The following H2BC12 variants were observed in gnomAD, a reference collection of about 807,000 sequenced individuals.
H2BC12 encodes H2B clustered histone 12.
In H2BC12, 6 loss-of-function variants were observed where a neutral mutation model predicts 6.3. The observed-to-expected ratio is 0.95, with a 90% CI of 0.52 to 1.87. The LOEUF (loss-of-function observed/expected upper bound fraction) is 1.87, where lower values mean the gene tolerates loss of function less well. H2BC12 is among the 40% of genes most tolerant of loss of function. The pLI is 0.01. For synonymous variants in H2BC12, 132 were observed against 78.5 expected, an observed-to-expected ratio of 1.68 and a Z score of -3.60; for missense variants, 119 against 178.4, an observed-to-expected ratio of 0.67 and a Z score of 1.90.
the H2BC12 span, chr6:27,139,141 AAG>A: frequency 7.7e-6 from 5 of 648,448 alleles, no homozygotes; most frequent in Admixed American, 3.2e-5. Context: ...GAAGGAGAAC[AAG>A]AGGGAGTAGA....
rs765892199 is a variant in H2BC12, at chr6:27,146,566, G to A, written c.233C>T (p.Ala78Val). Residue 78 changes from alanine (A) to valine (V), a missense_variant, in exon 1 of 1, where the codon GCT becomes GTT. Physicochemically the swap from Ala to Val is moderately conservative, Grantham distance 64 (BLOSUM62 0). This residue lies in a region of H2BC12 where 69 missense variants were observed against 141.0 expected (regional missense o/e 0.49). Transcript: ENST00000356950. ...CTTGTTGTAATGCGCCAGGCGGGAA[G>A]CCTCACCCGCGATGCGTTCGAAGAT... ...NDIFERIAGE[A>V]SRLAHYNKRS... The A allele has an allele frequency of 6.2e-7, 1 of 1,614,120 alleles. No individual in the cohort carries two copies. The highest frequency in any genetic ancestry group is 1.3e-5 in the African/African-American group (1 of 74,938).
downstream of H2BC12, among the ~76,000 whole-genome samples, chr6:27,145,881 CA>C (rs1284857003): frequency 1.3e-5 from 2 of 152,096 alleles, no homozygotes; most frequent in Non-Finnish European, 2.9e-5. Context: ...GAGATGGAAT[CA>C]GGGGGTGAGG....
At chr6:27,142,636 C>CTTTTTTTTT (rs759784250), downstream of H2BC12, among the ~76,000 whole-genome samples, 1 of 100,292 alleles carries the variant, frequency 1.0e-5, no homozygotes, top group African/African-American at 4.5e-5. Context: ...TCCCCCCCTC[C>CTTTTTTTTT]TTTTTTTTTT....
chr6:27,144,184 G>A (rs1366025812), downstream of H2BC12, among the ~76,000 whole-genome samples: 4 of 152,022 alleles, frequency 2.6e-5, no homozygotes, highest in Non-Finnish European at 5.9e-5. Flanking sequence ...GCTATCAGCC[G>A]GGCGTGGTGG....
chr6:27,139,130 T>A, the H2BC12 span: 1 of 586,700 alleles, frequency 1.7e-6, no homozygotes, highest in South Asian at 2.8e-5. Flanking sequence ...TAAAAAGGAC[T>A]GAAGGAGAAC....
In H2BC12 at chr6:27,146,680, A is replaced by G. The variant is rs773617880; in HGVS notation, c.119T>C (p.Val40Ala). Residue 40 changes from valine (V) to alanine (A), a missense_variant, in exon 1 of 1, where the codon GTA becomes GCA. Transcript: ENST00000356950. ...CTGCTTCAGCACCTTGTACACGTATACGGAGTAGCTCTCCTTGCGGCTGCG... is the reference window on the plus strand; with the variant it reads ...CTGCTTCAGCACCTTGTACACGTATGCGGAGTAGCTCTCCTTGCGGCTGCG... ...RKRSRKESYS[V>A]YVYKVLKQVH... The G allele has an allele frequency of 6.2e-7, 1 of 1,614,278 alleles. No homozygotes were observed. Among genetic ancestry groups the G allele is most frequent in the Non-Finnish European group, 8.5e-7 (1 of 1,180,050 alleles).
chr6:27,139,789 G>A, the H2BC12 span: 2 of 1,129,480 alleles, frequency 1.8e-6, no homozygotes, highest in Non-Finnish European at 2.4e-6. Context: ...ATGGGCTGAT[G>A]ACTACAGGTG....
downstream of H2BC12, among the ~76,000 whole-genome samples, chr6:27,145,338 A>ACAC (rs60765842): frequency 3.4e-5 from 5 of 148,522 alleles, no homozygotes; most frequent in Non-Finnish European, 7.5e-5. Context: ...ACACACACAC[A>ACAC]AAATTCCCCT....
At chr6:27,146,269 G>A (rs1259288067), downstream of H2BC12, 3 of 1,319,976 alleles carry the variant, frequency 2.3e-6, no homozygotes, top group African/African-American at 1.5e-5. Flanking sequence ...GCATTACTCA[G>A]TGTGATAAGA....
downstream of H2BC12, among the ~76,000 whole-genome samples, chr6:27,141,962 GAGTA>G (rs1352112663): frequency 3.3e-5 from 5 of 152,164 alleles, no homozygotes; most frequent in African/African-American, 7.2e-5. Flanking sequence ...GTGACTGAGG[GAGTA>G]AGTGTTTAAT....
downstream of H2BC12, among the ~76,000 whole-genome samples, chr6:27,145,170 G>A (rs1258938361): frequency 6.6e-6 from 1 of 152,028 alleles, no homozygotes; most frequent in Non-Finnish European, 1.5e-5. Context: ...AATAAGACTT[G>A]GATCAACAGT....
downstream of H2BC12, among the ~76,000 whole-genome samples, chr6:27,144,955 C>T (rs917314439): frequency 2.0e-5 from 3 of 152,048 alleles, no homozygotes; most frequent in African/African-American, 7.2e-5. Context: ...TACCACGCCC[C>T]CCCTAATTTT....
chr6:27,143,853 A>G (rs1760036857), downstream of H2BC12, among the ~76,000 whole-genome samples: 2 of 151,378 alleles, frequency 1.3e-5, no homozygotes, highest in African/African-American at 4.9e-5. Context: ...CTTTAAAAAA[A>G]AAAAAAAAAA....
the H2BC12 span, among the ~76,000 whole-genome samples, chr6:27,140,517 G>A: frequency 1.4e-5 from 2 of 146,404 alleles, no homozygotes; most frequent in Non-Finnish European, 2.9e-5. Flanking sequence ...TTTCTCTGTT[G>A]ATTTTTTTTC....
At chr6:27,140,361 A>C in the H2BC12 span, among the ~76,000 whole-genome samples, 1 of 152,194 alleles carries the variant, frequency 6.6e-6, no homozygotes, top group Non-Finnish European at 1.5e-5. Flanking sequence ...ACGCGTTTTA[A>C]CTTTAGATGC....
At chr6:27,144,443 C>T (rs1760044075), downstream of H2BC12, among the ~76,000 whole-genome samples, 1 of 85,414 alleles carries the variant, frequency 1.2e-5, no homozygotes, top group Admixed American at 1.9e-4. Flanking sequence ...GCCTGGGCAA[C>T]AGAGTGAGAC....
chr6:27,140,296 A>G, the H2BC12 span, among the ~76,000 whole-genome samples: 1 of 152,214 alleles, frequency 6.6e-6, no homozygotes, highest in Non-Finnish European at 1.5e-5. Context: ...TTTCCTATCT[A>G]GAATTAACTA....
chr6:27,141,209 A>G, the H2BC12 span, among the ~76,000 whole-genome samples: 29 of 152,198 alleles, frequency 1.9e-4, no homozygotes, highest in African/African-American at 6.8e-4. Flanking sequence ...AGCAATGATT[A>G]ACAATACCTA....
At chr6:27,143,897 A>T (rs528497544), downstream of H2BC12, among the ~76,000 whole-genome samples, 5 of 151,680 alleles carry the variant, frequency 3.3e-5, no homozygotes, top group Non-Finnish European at 7.4e-5. Context: ...AATTTAGCAC[A>T]TTCAACTTTT....
Sources: gnomAD v4.1 joint callset for allele counts (sites outside exome capture counted in the v4.1 genomes callset) on GRCh38, gnomAD v4.1.1 for gene constraint, gnomAD v4.1.1 regional missense constraint, MANE v1.5 for transcripts, NCBI Gene and HGNC (gene_info 2026-07-23, HGNC 2026-07-21) for gene names.